Variants in WDR62 observed in about 807,000 individuals in gnomAD.
WDR62 encodes WD repeat domain 62.
A neutral mutation model predicts 160.6 loss-of-function variants in WDR62; 112 were observed. The observed-to-expected ratio is 0.70, with a 90% CI of 0.60 to 0.82. The LOEUF (loss-of-function observed/expected upper bound fraction) is 0.82. WDR62 is among the 40% of genes least tolerant of loss of function. The pLI is 0.00. For synonymous variants in WDR62, 792 were observed against 815.1 expected (o/e 0.97, Z 0.48); for missense variants, 1,819 against 1,983.8 (o/e 0.92, Z 1.58).
chr19:36,081,896 G>A (rs1401529270), intron 10 of WDR62: 2 of 499,586 alleles, frequency 4.0e-6, no homozygotes. Context: ...GAATTCCCTG[G>A]GAGAGCACCT....
intron 24 of WDR62, 150 bp downstream of exon 24, chr19:36,101,467 GGCCCA>G: frequency 1.2e-6 from 1 of 857,942 alleles, no homozygotes; most frequent in South Asian, 1.5e-5. Context: ...GAGGATTCTG[GGCCCA>G]GCTGCCTACA....
chr19:36,089,072 T>C lies in WDR62; in HGVS notation c.1803T>C (p.Ala601=). 1.2e-6 allele frequency: 2 copies of C among 1,614,116 alleles called. 1 individual carries two copies. The highest frequency in any genetic ancestry group is 1.7e-6 in the Non-Finnish European group (2 of 1,180,016). ...NRDIQMISCG[A]DKSIYFRSAQ... ...ACATCCAGATGATCAGCTGTGGGGC[T>C]GACAAGAGCATCTACTTTCGCAGTG... The change falls in exon 14 of 32, where the codon GCT becomes GCC. Residue 601 remains alanine, a synonymous_variant. Transcript: ENST00000401500.
chr19:36,077,190 G>T (rs1353457709), intron 9 of WDR62, among the ~76,000 whole-genome samples: 1 of 151,536 alleles, frequency 6.6e-6, no homozygotes, highest in Non-Finnish European at 1.5e-5. Flanking sequence ...CCCATCCATG[G>T]AAATGACTAA....
intron 3 of WDR62, among the ~76,000 whole-genome samples, chr19:36,065,567 C>T (rs1370328523): frequency 6.6e-6 from 1 of 152,204 alleles, no homozygotes. Flanking sequence ...TGATGCCTGC[C>T]AGGATCCTCC....
chr19:36,103,686 T>C lies in WDR62; in HGVS notation c.3858T>C (p.Arg1286=). The part of the protein sequence containing the change: ...LDSEGQEPAL[R]SWGNHEARAN... ...GTGAGGGCCAAGAGCCTGCCCTGCGTTCCTGGGGCAACCACGAGGCCCGGG... is the reference window on the plus strand; with the variant it reads ...GTGAGGGCCAAGAGCCTGCCCTGCGCTCCTGGGGCAACCACGAGGCCCGGG... The change falls in exon 30 of 32, where the codon CGT becomes CGC. Residue 1286 remains arginine (R), a synonymous_variant. Transcript: ENST00000401500. 3 of 1,610,210 alleles carry C rather than the reference T, an allele frequency of 1.9e-6. No individual in the cohort carries two copies. The highest frequency in any genetic ancestry group is 2.5e-6 in the Non-Finnish European group (3 of 1,179,958).
chr19:36,077,651 C>A (rs1030707924), intron 9 of WDR62, among the ~76,000 whole-genome samples: 4 of 150,662 alleles, frequency 2.7e-5, no homozygotes, highest in Admixed American at 1.3e-4. Context: ...GACTGGAATA[C>A]AGAGGCACAA....
rs76419697 is a variant in WDR62, at chr19:36,094,946, G to A, written c.2467+782G>A. 6.2e-3 allele frequency among the ~76,000 whole-genome samples: 949 copies of A among 152,158 alleles called. 13 individuals carry two copies. The highest frequency in any genetic ancestry group is 0.022 in the African/African-American group (902 of 41,480). On this transcript the variant is annotated intron_variant, in intron 20 of 31. Coordinates refer to ENST00000401500, the MANE Select transcript of WDR62 (RefSeq NM_001083961.2). ...CCTGAAAGGCTGAGGCAGGAAGATC[G>A]CTTGAGCCCAGGAATTCCATGTTAT...
At chr19:36,105,181 T>G (rs148937320), downstream of WDR62, 25,216 of 1,005,636 alleles carry the variant, frequency 0.025, 450 homozygotes, top group Admixed American at 0.065. Flanking sequence ...GGGTAGAAGG[T>G]GATGCCCAGA....
intron 6 of WDR62, 98 bp from the exon 7 acceptor site, chr19:36,067,730 G>T: frequency 7.2e-7 from 1 of 1,387,018 alleles, no homozygotes; most frequent in Non-Finnish European, 1.0e-6. Flanking sequence ...ATTTGGAAGA[G>T]CTTCTTAGAG....
intron 7 of WDR62, chr19:36,070,662 C>T (rs1280831394): frequency 6.6e-6 from 1 of 152,160 alleles, no homozygotes; most frequent in Non-Finnish European, 1.5e-5. Context: ...TTATCTCTGT[C>T]CTAGTTGGTT....
chr19:36,109,198 T>C (rs1396321344), downstream of WDR62, among the ~76,000 whole-genome samples: 2 of 152,172 alleles, frequency 1.3e-5, no homozygotes, highest in African/African-American at 4.8e-5. Context: ...GATGTCCCCC[T>C]CTGACTAGAA....
At position 36,067,580 on chromosome 19, in the gene WDR62, T is replaced by G; in HGVS notation, c.699+137T>G. The G allele has an allele frequency of 4.6e-6, 6 of 1,318,444 alleles. No individual in the cohort carries two copies. The Admixed American group carries it at 1.1e-4, about 23-fold the overall frequency. The allele number at this position is 1,318,444 out of a possible 1,614,324, so 81.7% of individuals were successfully genotyped here. ...GCCTCTCAGGGGCCCAGCTGCTGCTTCTGGGCCTACTCTCAGGGTGCTGAT... is the reference window on the plus strand; with the variant it reads ...GCCTCTCAGGGGCCCAGCTGCTGCTGCTGGGCCTACTCTCAGGGTGCTGAT... On this transcript the variant is annotated intron_variant, in intron 6 of 31. Coordinates refer to ENST00000401500, the MANE Select transcript of WDR62 (RefSeq NM_001083961.2).
intron 5 of WDR62, 123 bp downstream of exon 5, chr19:36,066,550 T>C (rs946486733): frequency 1.9e-6 from 2 of 1,079,332 alleles, no homozygotes; most frequent in East Asian, 5.2e-5. Flanking sequence ...AGATAACAGC[T>C]ATTGAGCACC....
downstream of WDR62, among the ~76,000 whole-genome samples, chr19:36,106,766 A>AT (rs1973723576): frequency 6.6e-6 from 1 of 152,220 alleles, no homozygotes; most frequent in South Asian, 2.1e-4. Flanking sequence ...GCTTCATAAC[A>AT]TTTAAGTCCA....
chr19:36,101,757 C>G lies in WDR62; in HGVS notation c.3065C>G (p.Ser1022Trp). 1 of 1,552,018 alleles carries G rather than the reference C, an allele frequency of 6.4e-7. No individual in the cohort carries two copies. The highest frequency in any genetic ancestry group is 1.2e-5 in the South Asian group (1 of 84,166). The change falls in exon 25 of 32, where the codon TCG becomes TGG. Residue 1022 changes from serine to tryptophan, a missense_variant. By Grantham distance (177) the Ser-to-Trp change is radical. This residue lies in a region of WDR62 where 770 missense variants were observed against 734.2 expected (regional missense o/e 1.05). Transcript: ENST00000401500. Reference sequence around the variant, plus strand: ...GACCCTGCCCCTCGGTTTGCCACGTCGCTGCCCCATTTCCCAGGTAAGCAG... The same window carrying G: ...GACCCTGCCCCTCGGTTTGCCACGTGGCTGCCCCATTTCCCAGGTAAGCAG... ...PPDPAPRFAT[S>W]LPHFPGCAGP...
chr19:36,058,375 A>C (rs1970471569), intron 1 of WDR62, among the ~76,000 whole-genome samples: 1 of 152,220 alleles, frequency 6.6e-6, no homozygotes, highest in African/African-American at 2.4e-5. Flanking sequence ...AAAAGTACTT[A>C]GAAACTTATT....
intron 13 of WDR62, among the ~76,000 whole-genome samples, chr19:36,087,943 G>A (rs565276823): frequency 1.3e-5 from 2 of 152,326 alleles, no homozygotes; most frequent in African/African-American, 4.8e-5. Context: ...GCTCATGGTC[G>A]TAATATTGTT....
intron 5 of WDR62, among the ~76,000 whole-genome samples, chr19:36,066,667 A>G (rs1970960354): frequency 6.6e-6 from 1 of 152,192 alleles, no homozygotes. Context: ...GTGACTTAAC[A>G]TCTCTGTGAG....
rs779401964 is a variant in WDR62, at chr19:36,099,425, C to T, written c.2547C>T (p.Gly849=). The T allele has an allele frequency of 7.4e-6, 12 of 1,612,982 alleles. No homozygotes were observed. Among genetic ancestry groups the T allele is most frequent in the Non-Finnish European group, 1.0e-5 (12 of 1,179,940 alleles). ...RLLGDDDVAD[G]LAFHAKRSYQ... ...TAGGGGACGATGATGTGGCAGATGG[C>T]TTGGCCTTCCACGCCAAGCGCAGCT... is the stretch of plus-strand genomic sequence containing the variant. Residue 849 remains glycine (G), a synonymous_variant, in exon 22 of 32, where the codon GGC becomes GGT. Transcript: ENST00000401500.
Sources: allele counts gnomAD v4.1 joint callset (sites outside exome capture counted in the v4.1 genomes callset), GRCh38; gene constraint gnomAD v4.1.1; regional missense constraint gnomAD v4.1.1; transcripts MANE v1.5; gene names NCBI Gene and HGNC (gene_info 2026-07-23, HGNC 2026-07-21).